The following DPY19L4 variants were observed in gnomAD, a reference collection of about 807,000 sequenced individuals.
DPY19L4 encodes the protein dpy-19 like 4.
Under a neutral mutation model 102.8 loss-of-function variants are expected in DPY19L4, and 97 were observed. The ratio of observed to expected loss-of-function variants is 0.94; its 90% CI spans 0.80 to 1.12. The LOEUF is 1.12. Ranked by LOEUF, DPY19L4 falls within the 50% of genes most tolerant of loss-of-function variation. The pLI, the probability that DPY19L4 is intolerant of heterozygous loss-of-function variation, is 0.00. For missense variants in DPY19L4, 815 were observed against 850.4 expected (o/e 0.96, Z 0.52); for synonymous variants, 252 against 283.1 (o/e 0.89, Z 1.10).
In DPY19L4 at chr8:94,738,478, T is replaced by TTAAAAATATAACTGTG; in HGVS notation, c.343+19_343+20insTAAAAATATAACTGTG. On this transcript the variant is annotated intron_variant, in intron 4 of 18. Transcript: ENST00000414645. Reference sequence around the variant, plus strand: ...GAAAGAGGTATGATAATCACAGTTATATTTTTAATAACAGTATTTTCCTTT... The same window carrying TTAAAAATATAACTGTG: ...GAAAGAGGTATGATAATCACAGTTATTAAAAATATAACTGTGATTTTTAATAACAGTATTTTCCTTT... The TTAAAAATATAACTGTG allele has an allele frequency of 3.6e-6, 5 of 1,398,056 alleles. No individual in the cohort carries two copies. Among genetic ancestry groups the TTAAAAATATAACTGTG allele is most frequent in the Non-Finnish European group, 4.8e-6 (5 of 1,032,570 alleles). 86.6% of individuals were successfully genotyped at this position (1,398,056 alleles called of 1,614,324 possible).
chr8:94,722,119 A>C (rs1810487542), intron 1 of DPY19L4, among the ~76,000 whole-genome samples: 1 of 138,196 alleles, frequency 7.2e-6, no homozygotes, highest in African/African-American at 2.7e-5. Flanking sequence ...AAAAAAAATA[A>C]AATTAAGGCC....
chr8:94,754,408 G>A lies in DPY19L4; in HGVS notation c.612-1628G>A, dbSNP rs553288761. On this transcript the variant is annotated intron_variant, in intron 6 of 18. Transcript: ENST00000414645. ...TTGCAACTTTATCTTCTTGGTCTGTGAGGATGTAACATTTGTAATTTTGAT... is the reference window on the plus strand; with the variant it reads ...TTGCAACTTTATCTTCTTGGTCTGTAAGGATGTAACATTTGTAATTTTGAT... 2.0e-5 allele frequency among the ~76,000 whole-genome samples: 3 copies of A among 152,232 alleles called. No individual in the cohort carries two copies. The East Asian group carries it at 5.8e-4, about 29-fold the overall frequency.
chr8:94,789,660 T>C (rs1039118963), intron 18 of DPY19L4, 86 bp from the exon 19 acceptor site: 5 of 1,181,298 alleles, frequency 4.2e-6, no homozygotes, highest in African/African-American at 3.2e-5. Context: ...TGTTTTTTCA[T>C]ATAAATATAC....
At chr8:94,780,563 A>G (rs1231054795) in intron 15 of DPY19L4, 148 bp downstream of exon 15, 11 of 518,314 alleles carry the variant, frequency 2.1e-5, no homozygotes, top group Non-Finnish European at 3.3e-5. Context: ...TTTTTTTGTT[A>G]TTAGGAACAT....
At chr8:94,770,178 C>T (rs1812864500) in intron 12 of DPY19L4, among the ~76,000 whole-genome samples, 1 of 152,096 alleles carries the variant, frequency 6.6e-6, no homozygotes, top group Admixed American at 6.6e-5. Flanking sequence ...TAAGTCACTG[C>T]CCCTAACCCT....
intron 6 of DPY19L4, among the ~76,000 whole-genome samples, chr8:94,742,952 G>T (rs1811511557): frequency 1.3e-5 from 2 of 152,066 alleles, no homozygotes; most frequent in African/African-American, 2.4e-5. Flanking sequence ...TGACCCGCCT[G>T]CCTTGGCTTC....
In DPY19L4 at chr8:94,766,718, C is replaced by T. The variant is rs6994918; in HGVS notation, c.1175+33C>T. 1,194 of 1,551,042 alleles carry T rather than the reference C, an allele frequency of 7.7e-4. 6 individuals are homozygous for T. The African/African-American group carries it at 0.014, about 18-fold the overall frequency. ...TTAGATTATGTAAGTTTACCTAAAT[C>T]GATACCACTTAGAAAATAAAGATAA... On this transcript the variant is annotated intron_variant, in intron 11 of 18. Transcript: ENST00000414645.
At chr8:94,768,333 AT>A in intron 11 of DPY19L4, 61 bp from the exon 12 acceptor site, 1 of 1,351,220 alleles carries the variant, frequency 7.4e-7, no homozygotes, top group Non-Finnish European at 1.0e-6. Context: ...ATTAAAAAAA[AT>A]ACTTCTGTGT....
intron 6 of DPY19L4, chr8:94,744,523 C>A: frequency 2.2e-6 from 1 of 456,676 alleles, no homozygotes; most frequent in Non-Finnish European, 4.4e-6. Flanking sequence ...GGTGACAACA[C>A]AGGATATTAA....
At position 94,731,801 on chromosome 8, in the gene DPY19L4, G is replaced by T. The variant is rs779272183; in HGVS notation, c.128-2829G>T. Among the ~76,000 whole-genome samples, 117 of 152,262 alleles carry T rather than the reference G, an allele frequency of 7.7e-4. 1 individual carries two copies. The highest frequency in any genetic ancestry group is 1.1e-3 in the Non-Finnish European group (77 of 68,030). On this transcript the variant is annotated intron_variant, in intron 2 of 18. Coordinates refer to ENST00000414645, the MANE Select transcript of DPY19L4 (RefSeq NM_181787.3). Reference sequence around the variant, plus strand: ...GAGTCTCGCTCTGTTGCCCAGGCTGGAGTGCAGTGGTGCGATCTCGGCTCG... The same window carrying T: ...GAGTCTCGCTCTGTTGCCCAGGCTGTAGTGCAGTGGTGCGATCTCGGCTCG...
intron 6 of DPY19L4, among the ~76,000 whole-genome samples, chr8:94,746,597 A>G (rs1408690195): frequency 6.6e-6 from 1 of 152,220 alleles, no homozygotes; most frequent in Non-Finnish European, 1.5e-5. Context: ...AACTTCAGTT[A>G]TAGATATTTA....
intron 6 of DPY19L4, among the ~76,000 whole-genome samples, chr8:94,751,123 C>CT (rs1232060280): frequency 0.08 from 10,444 of 130,644 alleles, 426 homozygotes; most frequent in Middle Eastern, 0.11. Context: ...TCTTTCTTTT[C>CT]TTTTTTTTTT....
chr8:94,752,468 C>T (rs1429481590), intron 6 of DPY19L4, among the ~76,000 whole-genome samples: 1 of 150,440 alleles, frequency 6.6e-6, no homozygotes, highest in African/African-American at 2.4e-5. Context: ...CGCCTGTAGT[C>T]CCAGCTACTC....
intron 12 of DPY19L4, among the ~76,000 whole-genome samples, chr8:94,769,052 T>G (rs1812805730): frequency 6.7e-6 from 1 of 149,950 alleles, no homozygotes; most frequent in Non-Finnish European, 1.5e-5. Flanking sequence ...AATTTAAACT[T>G]AGTTTTTTTG....
At chr8:94,721,459 C>A (rs1586293539) in intron 1 of DPY19L4, among the ~76,000 whole-genome samples, 1 of 152,162 alleles carries the variant, frequency 6.6e-6, no homozygotes, top group East Asian at 1.9e-4. Flanking sequence ...GCTTCAAAAA[C>A]AAAGCTATTT....
chr8:94,775,181 T>C (rs1479481171), intron 13 of DPY19L4, among the ~76,000 whole-genome samples: 1 of 137,700 alleles, frequency 7.3e-6, no homozygotes, highest in African/African-American at 2.7e-5. Flanking sequence ...GAGCAGAGCT[T>C]TCCTTTTTTT....
chr8:94,739,585 A>G (rs1457275086), intron 5 of DPY19L4, 51 bp downstream of exon 5: 1 of 1,602,004 alleles, frequency 6.2e-7, no homozygotes, highest in Non-Finnish European at 8.5e-7. Flanking sequence ...GTATTCATGA[A>G]TCCTCAAATT....
chr8:94,764,373 G>C (rs955104471), intron 8 of DPY19L4, among the ~76,000 whole-genome samples: 1 of 151,698 alleles, frequency 6.6e-6, no homozygotes, highest in African/African-American at 2.4e-5. Flanking sequence ...TGAGGAGATC[G>C]AGACCATCCT....
chr8:94,746,619 A>T (rs1811685678), intron 6 of DPY19L4, among the ~76,000 whole-genome samples: 1 of 152,246 alleles, frequency 6.6e-6, no homozygotes, highest in South Asian at 2.1e-4. Context: ...AACTTAAGTT[A>T]TTCTCATGGA....
Sources: gnomAD v4.1 joint callset for allele counts (sites outside exome capture counted in the v4.1 genomes callset) on GRCh38, gnomAD v4.1.1 for gene constraint, MANE v1.5 for transcripts, NCBI Gene and HGNC (gene_info 2026-07-23, HGNC 2026-07-21) for gene names.